The following PEAK1 variants were observed in gnomAD, a reference collection of about 807,000 sequenced individuals.
PEAK1 encodes pseudopodium enriched atypical kinase 1.
Under a neutral mutation model 124.7 loss-of-function variants are expected in PEAK1, and 54 were observed. The ratio of observed to expected loss-of-function variants is 0.43; its 90% CI spans 0.35 to 0.54. The LOEUF is 0.54. Ranked by LOEUF, PEAK1 falls within the 20% of genes least tolerant of loss-of-function variation. The probability of loss-of-function intolerance (pLI) is 0.01; values close to 1 mark genes in which losing one functional copy is unlikely to be tolerated. For synonymous variants in PEAK1, 719 were observed against 760.0 expected, an observed-to-expected ratio of 0.95 and a Z score of 0.89; for missense variants, 2,046 against 2,134.5, an observed-to-expected ratio of 0.96 and a Z score of 0.82.
chr15:77,339,524 T>C (rs898019729), intron 2 of PEAK1, among the ~76,000 whole-genome samples: 3 of 152,200 alleles, frequency 2.0e-5, no homozygotes, highest in Admixed American at 2.0e-4. Context: ...CAAAATGGAT[T>C]ATACACCTAA....
chr15:77,294,446 G>A (rs1322910235), intron 2 of PEAK1, among the ~76,000 whole-genome samples: 1 of 152,122 alleles, frequency 6.6e-6, no homozygotes, highest in East Asian at 1.9e-4. Context: ...GATTCAGAAA[G>A]AACATTAACA....
At chr15:77,351,041 GCC>G in intron 2 of PEAK1, 1 of 750,874 alleles carries the variant, frequency 1.3e-6, no homozygotes, top group Non-Finnish European at 1.6e-6. Flanking sequence ...AATCAAATCA[GCC>G]CCTGCCTTCA....
At chr15:77,402,310 G>A (rs112895389) in intron 1 of PEAK1, 24,906 of 985,084 alleles carry the variant, frequency 0.025, 345 homozygotes, top group Middle Eastern at 0.028. Context: ...TCTAGACATC[G>A]GGGAGAAAAG....
rs942035297 is a variant in PEAK1 at position 77,109,890 on chromosome 15, A to C, written c.*4266T>G. 7.9e-5 allele frequency: 12 copies of C among 152,206 alleles called. No homozygotes were observed. The highest frequency in any genetic ancestry group is 2.9e-4 in the African/African-American group (12 of 41,446). The allele number at this position is 152,206 out of a possible 1,614,324, so 9.4% of individuals were successfully genotyped here. On this transcript the variant is annotated 3_prime_UTR_variant, in exon 10 of 10. Transcript: ENST00000682557. Reference sequence around the variant, plus strand: ...TTACACATCTAGAATCATTTGAAATATAGTGTAGTATCCTAAATCCATCTC... The same window carrying C: ...TTACACATCTAGAATCATTTGAAATCTAGTGTAGTATCCTAAATCCATCTC...
intron 1 of PEAK1, chr15:77,419,191 G>A (rs746604260): frequency 2.0e-5 from 20 of 985,098 alleles, no homozygotes; most frequent in Non-Finnish European, 2.4e-5. Context: ...CATTTAACAG[G>A]CCAGAGGCAG....
At chr15:77,279,348 A>G (rs1247104860) in intron 5 of PEAK1, among the ~76,000 whole-genome samples, 1 of 152,100 alleles carries the variant, frequency 6.6e-6, no homozygotes, top group East Asian at 1.9e-4. Context: ...GTGGGATGGA[A>G]AAACAAATTT....
intron 6 of PEAK1, among the ~76,000 whole-genome samples, chr15:77,235,582 G>A (rs947637388): frequency 6.6e-6 from 1 of 152,206 alleles, no homozygotes; most frequent in African/African-American, 2.4e-5. Flanking sequence ...TGGAAAATTT[G>A]CAGCCTGAAA....
chr15:77,406,491 C>A (rs1288234189), intron 1 of PEAK1, among the ~76,000 whole-genome samples: 1 of 152,118 alleles, frequency 6.6e-6, no homozygotes, highest in African/African-American at 2.4e-5. Flanking sequence ...CAACAGCGGC[C>A]AAGCTGAGAA....
intron 5 of PEAK1, among the ~76,000 whole-genome samples, chr15:77,262,800 A>AT (rs1238848196): frequency 6.6e-6 from 1 of 151,936 alleles, no homozygotes; most frequent in Non-Finnish European, 1.5e-5. Context: ...CAGAATATAC[A>AT]TTTTTTTCAG....
At position 77,250,257 on chromosome 15, in the gene PEAK1, A is replaced by ATTT. The variant is rs141195382; in HGVS notation, c.-115+2107_-115+2109dup. Among the ~76,000 whole-genome samples the ATTT allele has an allele frequency of 2.5e-3, 311 of 126,028 alleles. 2 individuals carry two copies. The highest frequency in any genetic ancestry group is 7.3e-3 in the African/African-American group (242 of 33,104). 82.7% of individuals were successfully genotyped at this position (126,028 alleles called of 152,430 possible). The stretch of plus-strand genomic sequence containing the variant: ...TGTATATGTATATATATATATATAT[A>ATTT]TTTTTTTTTGACAGAGTTTCACTCC... On this transcript the variant is annotated intron_variant, in intron 6 of 9. Coordinates refer to ENST00000682557, the MANE Select transcript of PEAK1 (RefSeq NM_001385026.1).
chr15:77,240,417 C>G (rs1247221647), intron 6 of PEAK1, among the ~76,000 whole-genome samples: 1 of 151,586 alleles, frequency 6.6e-6, no homozygotes, highest in East Asian at 1.9e-4. Context: ...CCCAGGAGTT[C>G]AAGACAAGCC....
intron 6 of PEAK1, among the ~76,000 whole-genome samples, chr15:77,186,678 C>T (rs1345527249): frequency 6.6e-6 from 1 of 152,076 alleles, no homozygotes; most frequent in Non-Finnish European, 1.5e-5. Context: ...ACACCTTTAG[C>T]AAGCACCAGA....
At chr15:77,325,305 G>A (rs1015347035) in intron 2 of PEAK1, among the ~76,000 whole-genome samples, 4 of 152,054 alleles carry the variant, frequency 2.6e-5, no homozygotes, top group Admixed American at 6.6e-5. Flanking sequence ...AGCTATTCAG[G>A]AGGCTGAGGT....
intron 2 of PEAK1, among the ~76,000 whole-genome samples, chr15:77,361,643 C>T (rs890816046): frequency 2.0e-5 from 3 of 152,138 alleles, no homozygotes; most frequent in African/African-American, 7.2e-5. Context: ...TAAACTAGTA[C>T]AACCACTATG....
chr15:77,367,443 C>G (rs190552143), intron 1 of PEAK1, among the ~76,000 whole-genome samples: 1 of 152,152 alleles, frequency 6.6e-6, no homozygotes, highest in African/African-American at 2.4e-5. Context: ...TGTTCTATAT[C>G]TTGATTATGG....
intron 7 of PEAK1, 132 bp downstream of exon 7, chr15:77,178,658 A>AAGATAGATG: frequency 1.2e-6 from 1 of 852,524 alleles, no homozygotes; most frequent in East Asian, 2.6e-5. Flanking sequence ...TGCAGTTATA[A>AAGATAGATG]AGATAGATGA....
At chr15:77,383,148 C>T (rs962959304) in intron 1 of PEAK1, among the ~76,000 whole-genome samples, 5 of 151,716 alleles carry the variant, frequency 3.3e-5, no homozygotes, top group East Asian at 1.9e-4. Flanking sequence ...CTCAGCCTCC[C>T]GAGTAGCTGG....
At chr15:77,135,977 G>C (rs1329330713) in intron 8 of PEAK1, among the ~76,000 whole-genome samples, 3 of 152,222 alleles carry the variant, frequency 2.0e-5, no homozygotes, top group Admixed American at 2.0e-4. Context: ...AAATGTGGAA[G>C]CAACTTTGGA....
intron 6 of PEAK1, among the ~76,000 whole-genome samples, chr15:77,195,195 T>C (rs544908458): frequency 6.6e-6 from 1 of 152,232 alleles, no homozygotes; most frequent in African/African-American, 2.4e-5. Flanking sequence ...CAAATGACTA[T>C]TCAAACTGAA....
Sources: allele counts gnomAD v4.1 joint callset (sites outside exome capture counted in the v4.1 genomes callset), GRCh38; gene constraint gnomAD v4.1.1; transcripts MANE v1.5; gene names NCBI Gene and HGNC (gene_info 2026-07-23, HGNC 2026-07-21).